The following PDE1A variants were observed in gnomAD, a reference collection of about 807,000 sequenced individuals.
PDE1A encodes dual specificity calcium/calmodulin-dependent 3',5'-cyclic nucleotide phosphodiesterase 1A.
A neutral mutation model predicts 61.7 loss-of-function variants in PDE1A; 35 were observed. The ratio of observed to expected loss-of-function variants is 0.57; its 90% CI spans 0.43 to 0.75. The LOEUF (loss-of-function observed/expected upper bound fraction) is 0.75, where lower values mean the gene tolerates loss of function less well. Among genes scored for constraint, PDE1A ranks in the 30% least tolerant of loss-of-function variants. PDE1A has a pLI of 0.00. For missense variants in PDE1A, 597 were observed against 630.6 expected, an observed-to-expected ratio of 0.95 and a Z score of 0.57; for synonymous variants, 232 against 213.2, an observed-to-expected ratio of 1.09 and a Z score of -0.77.
downstream of PDE1A, among the ~76,000 whole-genome samples, chr2:182,164,919 T>C (rs1691575845): frequency 6.6e-6 from 1 of 152,314 alleles, no homozygotes; most frequent in African/African-American, 2.4e-5. Flanking sequence ...GCCATCCTAT[T>C]CCACACAGCA....
At chr2:182,583,327 C>T in the PDE1A span, among the ~76,000 whole-genome samples, 4 of 152,264 alleles carry the variant, frequency 2.6e-5, no homozygotes, top group South Asian at 6.2e-4. Context: ...AAACTGACCA[C>T]TTAAAATTAT....
intron 13 of PDE1A, among the ~76,000 whole-genome samples, chr2:182,178,352 C>T (rs1559142643): frequency 6.6e-6 from 1 of 152,068 alleles, no homozygotes; most frequent in Non-Finnish European, 1.5e-5. Context: ...TATGAAGGTG[C>T]CATTCAAATT....
chr2:182,661,808 C>T, the PDE1A span, among the ~76,000 whole-genome samples: 4 of 151,884 alleles, frequency 2.6e-5, no homozygotes, highest in Non-Finnish European at 5.9e-5. Flanking sequence ...ATAATAGCAA[C>T]GAAAATGTCA....
At chr2:182,178,238 T>C (rs1196060) in intron 13 of PDE1A, among the ~76,000 whole-genome samples, 30,402 of 152,044 alleles carry the variant, frequency 0.2, 3,258 homozygotes, top group East Asian at 0.31. Context: ...TTTTGGAAAA[T>C]ACTTAATCAA....
the PDE1A span, among the ~76,000 whole-genome samples, chr2:182,599,958 G>C: frequency 6.6e-6 from 1 of 152,062 alleles, no homozygotes; most frequent in Admixed American, 6.6e-5. Context: ...AGATCTTCAG[G>C]TTGCTACTTC....
At chr2:182,594,436 T>C in the PDE1A span, among the ~76,000 whole-genome samples, 2 of 152,234 alleles carry the variant, frequency 1.3e-5, no homozygotes, top group Non-Finnish European at 2.9e-5. Flanking sequence ...GACTACTGAG[T>C]AGTACTCCTT....
the PDE1A span, among the ~76,000 whole-genome samples, chr2:182,602,165 T>G: frequency 0.05 from 7,613 of 152,332 alleles, 228 homozygotes; most frequent in Middle Eastern, 0.085. Context: ...TCTGAGCCTA[T>G]GAAGGCAGGG....
chr2:182,523,013 A>G (rs1437985536), upstream of PDE1A: 1 of 152,238 alleles, frequency 6.6e-6, no homozygotes, highest in East Asian at 1.9e-4. Flanking sequence ...AGAGAAAATA[A>G]CATCTAAAGC....
chr2:182,677,703 C>T, the PDE1A span, among the ~76,000 whole-genome samples: 4 of 152,092 alleles, frequency 2.6e-5, no homozygotes, highest in Non-Finnish European at 5.9e-5. Flanking sequence ...ATAGAGAGCC[C>T]ATAAATACGG....
the PDE1A span, among the ~76,000 whole-genome samples, chr2:182,697,539 C>T: frequency 3.9e-5 from 6 of 152,200 alleles, no homozygotes; most frequent in East Asian, 3.8e-4. Flanking sequence ...AGGCCCCTCT[C>T]CATAGAACTA....
intron 4 of PDE1A, among the ~76,000 whole-genome samples, chr2:182,231,968 G>T (rs1689618707): frequency 6.6e-6 from 1 of 152,036 alleles, no homozygotes; most frequent in South Asian, 2.1e-4. Flanking sequence ...GCGAGATAGA[G>T]TATACACTAT....
chr2:182,342,836 C>T (rs1215750875), intron 1 of PDE1A, among the ~76,000 whole-genome samples: 1 of 152,182 alleles, frequency 6.6e-6, no homozygotes, highest in Non-Finnish European at 1.5e-5. Context: ...TCAATAGACT[C>T]TTTCATACCT....
intron 13 of PDE1A, among the ~76,000 whole-genome samples, chr2:182,159,538 C>T (rs952326450): frequency 6.6e-6 from 1 of 152,216 alleles, no homozygotes; most frequent in Non-Finnish European, 1.5e-5. Flanking sequence ...CATGTTTTGT[C>T]ATGAGTTAAG....
chr2:182,256,902 A>ATAGTC (rs1305616340), intron 2 of PDE1A, among the ~76,000 whole-genome samples: 1 of 152,188 alleles, frequency 6.6e-6, no homozygotes, highest in African/African-American at 2.4e-5. Context: ...TTCTGGAAAA[A>ATAGTC]TAGTCTATAC....
At chr2:182,319,940 T>G (rs977235838) in intron 1 of PDE1A, among the ~76,000 whole-genome samples, 3 of 152,144 alleles carry the variant, frequency 2.0e-5, no homozygotes, top group Non-Finnish European at 2.9e-5. Flanking sequence ...CACATTTCAT[T>G]CTTGTTTAGA....
intron 1 of PDE1A, among the ~76,000 whole-genome samples, chr2:182,374,388 A>G (rs999192856): frequency 1.3e-5 from 2 of 152,146 alleles, no homozygotes; most frequent in Admixed American, 1.3e-4. Flanking sequence ...AAAAGAAAAT[A>G]CAGGAAAATC....
At chr2:182,662,341 G>GAAAAAAAAAAAAAAAAAAAAAAAAAAAA in the PDE1A span, among the ~76,000 whole-genome samples, 2 of 137,976 alleles carry the variant, frequency 1.4e-5, no homozygotes, top group Non-Finnish European at 1.5e-5. Context: ...AAAAAAAAAA[G>GAAAAAAAAAAAAAAAAAAAAAAAAAAAA]AAAAAAAAAA....
chr2:182,615,958 C>T, the PDE1A span, among the ~76,000 whole-genome samples: 6 of 152,162 alleles, frequency 3.9e-5, no homozygotes, highest in African/African-American at 1.4e-4. Flanking sequence ...AACACTGTTG[C>T]CTTGGGGGTT....
the PDE1A span, among the ~76,000 whole-genome samples, chr2:182,602,573 C>A: frequency 1.3e-5 from 2 of 152,164 alleles, no homozygotes; most frequent in Admixed American, 1.3e-4. Flanking sequence ...CTAACAGATG[C>A]AAATATCTAT....
Sources: allele counts gnomAD v4.1 joint callset (sites outside exome capture counted in the v4.1 genomes callset), GRCh38; gene constraint gnomAD v4.1.1; transcripts MANE v1.5; gene names NCBI Gene and HGNC (gene_info 2026-07-23, HGNC 2026-07-21).